The following MAGI3 variants were observed in gnomAD, a reference collection of about 807,000 sequenced individuals.
MAGI3 encodes the protein membrane-associated guanylate kinase, WW and PDZ domain-containing protein 3.
In MAGI3, 43 loss-of-function variants were observed where a neutral mutation model predicts 121.8. The observed-to-expected ratio is 0.35, with a 90% CI of 0.28 to 0.46. The LOEUF (loss-of-function observed/expected upper bound fraction) is 0.46. Among genes scored for constraint, MAGI3 ranks in the 20% least tolerant of loss-of-function variants. The pLI is 1.00. For synonymous variants in MAGI3, 553 were observed against 639.3 expected (o/e 0.86, Z 2.04); for missense variants, 1,547 against 1,797.3 (o/e 0.86, Z 2.52).
intron 20 of MAGI3, 71 bp from the exon 21 acceptor site, chr1:113,682,826 A>G: frequency 6.8e-7 from 1 of 1,463,158 alleles, no homozygotes; most frequent in Non-Finnish European, 9.0e-7. Context: ...ATGGCTGTCA[A>G]AGTTCAAAAC....
chr1:113,624,085 G>GT (rs1651064089), intron 9 of MAGI3, among the ~76,000 whole-genome samples: 1 of 152,084 alleles, frequency 6.6e-6, no homozygotes, highest in East Asian at 1.9e-4. Context: ...TATGTACCAT[G>GT]TTTTCTTTAT....
At chr1:113,561,347 A>G (rs1167977750) in intron 2 of MAGI3, among the ~76,000 whole-genome samples, 1 of 152,246 alleles carries the variant, frequency 6.6e-6, no homozygotes, top group Non-Finnish European at 1.5e-5. Context: ...CCTAATGAAC[A>G]TCAATGCAAA....
intron 2 of MAGI3, among the ~76,000 whole-genome samples, chr1:113,580,037 T>G (rs1647912473): frequency 6.6e-6 from 1 of 152,138 alleles, no homozygotes; most frequent in Admixed American, 6.6e-5. Context: ...ACTTTAGCAT[T>G]TAGTGATCTG....
At chr1:113,528,746 A>C (rs912933118) in intron 1 of MAGI3, among the ~76,000 whole-genome samples, 1 of 152,202 alleles carries the variant, frequency 6.6e-6, no homozygotes, top group African/African-American at 2.4e-5. Context: ...AATGAACAAC[A>C]TAATTACTTA....
chr1:113,527,983 C>T (rs150635399), intron 1 of MAGI3, among the ~76,000 whole-genome samples: 4 of 152,184 alleles, frequency 2.6e-5, no homozygotes, highest in African/African-American at 9.6e-5. Context: ...TGTGTGTATG[C>T]GTACATGTCT....
chr1:113,460,557 C>T (rs1654979659), intron 1 of MAGI3, among the ~76,000 whole-genome samples: 1 of 152,100 alleles, frequency 6.6e-6, no homozygotes, highest in East Asian at 1.9e-4. Flanking sequence ...CGCCTGTAAT[C>T]CCAGCACTTT....
intron 1 of MAGI3, among the ~76,000 whole-genome samples, chr1:113,461,664 CA>C (rs1356566891): frequency 6.6e-6 from 1 of 152,032 alleles, no homozygotes; most frequent in Admixed American, 6.5e-5. Flanking sequence ...ATAGAACCGG[CA>C]AAGATTTTAT....
chr1:113,617,460 A>AT (rs928151381), intron 7 of MAGI3, among the ~76,000 whole-genome samples: 3 of 151,850 alleles, frequency 2.0e-5, no homozygotes, highest in South Asian at 2.1e-4. Context: ...TTATTTTTTG[A>AT]TTTTTTTTGA....
chr1:113,553,194 A>C (rs1659853546), intron 2 of MAGI3, among the ~76,000 whole-genome samples: 1 of 152,176 alleles, frequency 6.6e-6, no homozygotes, highest in Non-Finnish European at 1.5e-5. Flanking sequence ...TAATTTCCTC[A>C]ACTTTCTACT....
rs535354370 is a variant in MAGI3 at position 113,543,728 on chromosome 1, C to T, written c.317-5787C>T. On this transcript the variant is annotated intron_variant, in intron 1 of 20. Transcript: ENST00000307546. ...ACCAAAAATACAAAAATTAACCTGGCCTGGTGGCGTGTGCCTGTGGTCCCA... is the reference window on the plus strand; with the variant it reads ...ACCAAAAATACAAAAATTAACCTGGTCTGGTGGCGTGTGCCTGTGGTCCCA... Among the ~76,000 whole-genome samples the T allele has an allele frequency of 3.9e-5, 6 of 152,066 alleles. No homozygotes were observed. In the East Asian group the frequency reaches 1.2e-3, roughly 29 times the overall value.
At position 113,547,081 on chromosome 1, in the gene MAGI3, T is replaced by TAAA. The variant is rs75603474; in HGVS notation, c.317-2419_317-2417dup. Among the ~76,000 whole-genome samples the TAAA allele has an allele frequency of 4.6e-4, 55 of 120,196 alleles. No homozygotes were observed. In the Admixed American group the frequency reaches 4.6e-3, roughly 10 times the overall value. 78.9% of individuals were successfully genotyped at this position (120,196 alleles called of 152,430 possible). On this transcript the variant is annotated intron_variant, in intron 1 of 20. Transcript: ENST00000307546. ...CTGGGCGACAGAGTGAGACTCCATCTAAAAAAAAAAAAAAAAAGCAAGAAT... is the reference window on the plus strand; with the variant it reads ...CTGGGCGACAGAGTGAGACTCCATCTAAAAAAAAAAAAAAAAAAAAGCAAGAAT...
intron 10 of MAGI3, 138 bp downstream of exon 10, chr1:113,642,654 C>A: frequency 1.1e-6 from 1 of 948,702 alleles, no homozygotes; most frequent in Non-Finnish European, 1.5e-6. Context: ...AAGGTTCTGT[C>A]TGATTGTTTC....
chr1:113,551,613 GTTATTC>G (rs1483383583), intron 2 of MAGI3, among the ~76,000 whole-genome samples: 1 of 151,936 alleles, frequency 6.6e-6, no homozygotes, highest in Admixed American at 6.6e-5. Flanking sequence ...TGTCCATCTT[GTTATTC>G]TTAAAGTCTC....
intron 19 of MAGI3, among the ~76,000 whole-genome samples, chr1:113,676,756 C>CT (rs1647891980): frequency 6.6e-6 from 1 of 152,088 alleles, no homozygotes; most frequent in East Asian, 1.9e-4. Context: ...CCCTCTCTGC[C>CT]TCCCCCGCTT....
chr1:113,608,062 A>C (rs1649899555), intron 6 of MAGI3, among the ~76,000 whole-genome samples: 1 of 152,180 alleles, frequency 6.6e-6, no homozygotes, highest in African/African-American at 2.4e-5. Context: ...AGTCAGAAGT[A>C]GACGTCCTCT....
In MAGI3 at chr1:113,672,699, T is replaced by A. The variant is rs1175904717; in HGVS notation, c.3003T>A (p.Pro1001=). 6.3e-5 allele frequency: 101 copies of A among 1,613,754 alleles called. No individual in the cohort carries two copies. Among genetic ancestry groups the A allele is most frequent in the Non-Finnish European group, 8.2e-5 (97 of 1,179,898 alleles). Residue 1001 remains proline, a synonymous_variant, in exon 18 of 21, where the codon CCT becomes CCA. Coordinates refer to ENST00000307546, the MANE Select transcript of MAGI3 (RefSeq NM_001142782.2). ...CAGACCACAAGCACCTTGCACAGCCTGACACCGCAGTAATTTCAGTTGTAG... is the reference window on the plus strand; with the variant it reads ...CAGACCACAAGCACCTTGCACAGCCAGACACCGCAGTAATTTCAGTTGTAG... ...SWSDHKHLAQ[P]DTAVISVVGS...
chr1:113,632,056 C>A (rs2798136), intron 9 of MAGI3, among the ~76,000 whole-genome samples: 1,851 of 152,270 alleles, frequency 0.012, 48 homozygotes, highest in African/African-American at 0.043. Context: ...AAAATATGGA[C>A]CAACATTCAG....
intron 1 of MAGI3, among the ~76,000 whole-genome samples, chr1:113,434,084 A>G (rs1570669421): frequency 6.6e-6 from 1 of 152,272 alleles, no homozygotes; most frequent in Middle Eastern, 3.4e-3. Context: ...GATTTGTGAT[A>G]TTAGAGCTGT....
chr1:113,669,197 C>T (rs1021505086), intron 16 of MAGI3, among the ~76,000 whole-genome samples: 3 of 152,160 alleles, frequency 2.0e-5, no homozygotes, highest in Non-Finnish European at 4.4e-5. Flanking sequence ...CTATACTGGG[C>T]AGTAAAGTTT....
Sources: gnomAD v4.1 joint callset for allele counts (sites outside exome capture counted in the v4.1 genomes callset) on GRCh38, gnomAD v4.1.1 for gene constraint, MANE v1.5 for transcripts, NCBI Gene and HGNC (gene_info 2026-07-23, HGNC 2026-07-21) for gene names.